TRDN: variants seen among roughly 807,000 people sequenced by gnomAD.
TRDN encodes the protein triadin in skeletal muscle.
In TRDN, 161 loss-of-function variants were observed where a neutral mutation model predicts 149.7. The observed-to-expected ratio is 1.08, with a 90% CI of 0.95 to 1.23. TRDN has a LOEUF of 1.23. Ranked by LOEUF, TRDN falls within the 50% of genes most tolerant of loss-of-function variation. TRDN has a pLI of 0.00. For missense variants in TRDN, 896 were observed against 823.5 expected, an observed-to-expected ratio of 1.09 and a Z score of -1.08; for synonymous variants, 294 against 250.5, an observed-to-expected ratio of 1.17 and a Z score of -1.64.
intron 2 of TRDN, among the ~76,000 whole-genome samples, chr6:123,568,858 G>A (rs1285141806): frequency 6.6e-6 from 1 of 152,124 alleles, no homozygotes; most frequent in African/African-American, 2.4e-5. Context: ...CCATTTTCTT[G>A]GCTATCAGCA....
intron 19 of TRDN, among the ~76,000 whole-genome samples, chr6:123,371,435 T>C: frequency 6.6e-6 from 1 of 152,178 alleles, no homozygotes; most frequent in East Asian, 1.9e-4. Context: ...AATACCATTC[T>C]ACCCTTTATA....
At chr6:123,389,040 A>C (rs1782012283) in intron 13 of TRDN, among the ~76,000 whole-genome samples, 1 of 152,158 alleles carries the variant, frequency 6.6e-6, no homozygotes, top group African/African-American at 2.4e-5. Flanking sequence ...AGGGAAAATA[A>C]ATATCCTACC....
intron 4 of TRDN, among the ~76,000 whole-genome samples, chr6:123,539,083 CAT>C (rs1387658566): frequency 6.6e-6 from 1 of 152,138 alleles, no homozygotes; most frequent in East Asian, 1.9e-4. Context: ...GATTTTAAAA[CAT>C]ATTCCTGAGC....
intron 21 of TRDN, among the ~76,000 whole-genome samples, chr6:123,339,554 C>T (rs1779994089): frequency 6.6e-6 from 1 of 152,170 alleles, no homozygotes; most frequent in Non-Finnish European, 1.5e-5. Flanking sequence ...TTTACAGGTG[C>T]TGCAAAGCAA....
In TRDN at chr6:123,272,324, G is replaced by T. The variant is rs532558813; in HGVS notation, c.1672+640C>A. 2.6e-5 allele frequency among the ~76,000 whole-genome samples: 4 copies of T among 151,948 alleles called. No homozygotes were observed. The East Asian group carries it at 7.8e-4, about 29-fold the overall frequency. On this transcript the variant is annotated intron_variant, in intron 29 of 40. Coordinates refer to ENST00000334268, the MANE Select transcript of TRDN (RefSeq NM_006073.4). ...AATAATATTCTACAGAATAATCAGG[G>T]CTTGGGTAGCCTCAAAATTAAATTC...
chr6:123,329,541 C>G (rs1001851522), intron 23 of TRDN, among the ~76,000 whole-genome samples: 1 of 152,076 alleles, frequency 6.6e-6, no homozygotes, highest in Non-Finnish European at 1.5e-5. Context: ...ACACCTCCTA[C>G]AGGTGAAAGT....
intron 10 of TRDN, chr6:123,442,158 T>A (rs923733199): frequency 6.6e-6 from 1 of 152,378 alleles, no homozygotes; most frequent in Non-Finnish European, 1.5e-5. Flanking sequence ...GTGCTGGCAC[T>A]GATGACCTTG....
At chr6:123,269,116 C>T (rs989114433) in intron 31 of TRDN, among the ~76,000 whole-genome samples, 28 of 151,944 alleles carry the variant, frequency 1.8e-4, no homozygotes, top group East Asian at 1.9e-4. Flanking sequence ...CACCATTCAA[C>T]GACCAACATC....
intron 38 of TRDN, among the ~76,000 whole-genome samples, chr6:123,233,884 T>C (rs893487988): frequency 5.9e-5 from 9 of 151,608 alleles, no homozygotes; most frequent in African/African-American, 1.7e-4. Flanking sequence ...GCTAGGGGAG[T>C]AACCCATTGT....
At chr6:123,318,117 T>A (rs558585595) in intron 23 of TRDN, among the ~76,000 whole-genome samples, 1 of 152,176 alleles carries the variant, frequency 6.6e-6, no homozygotes, top group Non-Finnish European at 1.5e-5. Flanking sequence ...TTACTTAGTC[T>A]ACAATACACA....
chr6:123,358,634 T>TTTTTGTGTTG (rs1469728921), intron 20 of TRDN, among the ~76,000 whole-genome samples: 1 of 24,172 alleles, frequency 4.1e-5, no homozygotes, highest in East Asian at 2.4e-3. Flanking sequence ...CTGGCTAATT[T>TTTTTGTGTTG]TTTTGTATTG....
chr6:123,499,145 C>T (rs1223692942), intron 8 of TRDN, among the ~76,000 whole-genome samples: 1 of 152,116 alleles, frequency 6.6e-6, no homozygotes, highest in East Asian at 1.9e-4. Context: ...CCCATGACAG[C>T]AAATAAGAGT....
At position 123,271,189 on chromosome 6, in the gene TRDN, G is replaced by C. The variant is rs762200112; in HGVS notation, c.1673-3C>G. On this transcript the variant is annotated splice_region_variant and splice_polypyrimidine_tract_variant and intron_variant, in intron 29 of 40. Coordinates refer to ENST00000334268, the MANE Select transcript of TRDN (RefSeq NM_006073.4). ...TACCTGCTTGAGAACTTTTTCTTCT[G>C]TGATAGGAAAAAATGTTAACACAAG... 14 of 1,531,626 alleles carry C rather than the reference G, an allele frequency of 9.1e-6. No individual in the cohort carries two copies. The highest frequency in any genetic ancestry group is 1.2e-5 in the Non-Finnish European group (14 of 1,139,436). The allele number at this position is 1,531,626 out of a possible 1,614,324, so 94.9% of individuals were successfully genotyped here.
At chr6:123,348,856 C>G (rs2060063) in intron 21 of TRDN, among the ~76,000 whole-genome samples, 26,784 of 151,978 alleles carry the variant, frequency 0.18, 3,451 homozygotes, top group East Asian at 0.64. Context: ...CAAAGGGATA[C>G]ATAAAGTTGG....
chr6:123,615,226 GA>G (rs1235148815), intron 1 of TRDN, among the ~76,000 whole-genome samples: 2 of 152,078 alleles, frequency 1.3e-5, no homozygotes, highest in East Asian at 3.9e-4. Flanking sequence ...CAGCCATTAT[GA>G]AAAATAGTAT....
At chr6:123,420,481 T>C (rs1305147869) in intron 12 of TRDN, among the ~76,000 whole-genome samples, 1 of 152,086 alleles carries the variant, frequency 6.6e-6, no homozygotes, top group African/African-American at 2.4e-5. Flanking sequence ...GATTAATAGG[T>C]TTTATCTGCA....
At chr6:123,226,612 G>A (rs901526154) in intron 38 of TRDN, among the ~76,000 whole-genome samples, 1 of 151,848 alleles carries the variant, frequency 6.6e-6, no homozygotes, top group East Asian at 1.9e-4. Context: ...GCACAAGAAA[G>A]TAAACGGCAA....
intron 13 of TRDN, among the ~76,000 whole-genome samples, chr6:123,389,781 G>A (rs992400995): frequency 6.6e-6 from 1 of 152,076 alleles, no homozygotes; most frequent in Non-Finnish European, 1.5e-5. Context: ...TACACAAAAT[G>A]TATAGCAGAT....
At chr6:123,493,634 A>G (rs1345789490) in intron 9 of TRDN, among the ~76,000 whole-genome samples, 2 of 152,178 alleles carry the variant, frequency 1.3e-5, no homozygotes, top group South Asian at 4.1e-4. Flanking sequence ...ACTCATTACC[A>G]ATAATTAATA....
Sources: allele counts gnomAD v4.1 joint callset (sites outside exome capture counted in the v4.1 genomes callset), GRCh38; gene constraint gnomAD v4.1.1; transcripts MANE v1.5; gene names NCBI Gene and HGNC (gene_info 2026-07-23, HGNC 2026-07-21).